The following LRRC4C variants were observed in gnomAD, a reference collection of about 807,000 sequenced individuals.
The protein encoded by LRRC4C is leucine-rich repeat-containing protein 4C.
Under a neutral mutation model 33.6 loss-of-function variants are expected in LRRC4C, and 5 were observed. The ratio of observed to expected loss-of-function variants is 0.15; its 90% CI spans 0.08 to 0.31. The LOEUF (loss-of-function observed/expected upper bound fraction) is 0.31. LRRC4C is among the 10% of genes least tolerant of loss of function. The pLI is 1.00. For missense variants in LRRC4C, 560 were observed against 796.7 expected (o/e 0.70, Z 3.58); for synonymous variants, 329 against 302.0 (o/e 1.09, Z -0.93).
At chr11:41,034,590 T>TA (rs1378072335) in intron 1 of LRRC4C, among the ~76,000 whole-genome samples, 1 of 111,752 alleles carries the variant, frequency 8.9e-6, no homozygotes, top group Admixed American at 1.1e-4. Flanking sequence ...GTTGTTTTTC[T>TA]AAAAAAATAT....
rs115949467 is a variant in LRRC4C at position 40,143,380 on chromosome 11, T to C, written c.-95-2527A>G. On this transcript the variant is annotated intron_variant, in intron 5 of 6. Transcript: ENST00000528697. ...TTAAAGTCCTAATGGCCAGTCATAATTTTTTTTTCCTGCATCTCTCCCGCT... is the reference window on the plus strand; with the variant it reads ...TTAAAGTCCTAATGGCCAGTCATAACTTTTTTTTCCTGCATCTCTCCCGCT... 6.3e-3 allele frequency among the ~76,000 whole-genome samples: 961 copies of C among 151,864 alleles called. 13 individuals carry two copies. Among genetic ancestry groups the C allele is most frequent in the African/African-American group, 0.022 (904 of 41,438 alleles).
At chr11:40,228,597 C>T (rs907421884) in intron 5 of LRRC4C, among the ~76,000 whole-genome samples, 2 of 152,204 alleles carry the variant, frequency 1.3e-5, no homozygotes, top group South Asian at 4.1e-4. Context: ...GACTAGCAGG[C>T]ATATTTTCCT....
At chr11:40,407,157 G>A (rs1030710101) in intron 3 of LRRC4C, among the ~76,000 whole-genome samples, 5 of 152,036 alleles carry the variant, frequency 3.3e-5, no homozygotes, top group African/African-American at 9.7e-5. Flanking sequence ...TCATAGGATC[G>A]GTTGGATTGT....
chr11:40,350,652 G>T (rs1947341620), intron 3 of LRRC4C, among the ~76,000 whole-genome samples: 1 of 151,832 alleles, frequency 6.6e-6, no homozygotes, highest in Admixed American at 6.6e-5. Flanking sequence ...TTTTGATAAG[G>T]ATTGCATTGA....
At chr11:41,016,395 A>C (rs1028534653) in intron 1 of LRRC4C, among the ~76,000 whole-genome samples, 1 of 152,202 alleles carries the variant, frequency 6.6e-6, no homozygotes, top group Non-Finnish European at 1.5e-5. Flanking sequence ...TTTCTAAAGT[A>C]ATATATCTTA....
At chr11:41,106,797 C>A (rs1015262828) in intron 1 of LRRC4C, among the ~76,000 whole-genome samples, 13 of 152,056 alleles carry the variant, frequency 8.5e-5, no homozygotes, top group Non-Finnish European at 1.5e-4. Flanking sequence ...GGGAGGATCA[C>A]TTGAGCCCAG....
rs1162841277 is a variant in LRRC4C, at chr11:40,867,684, GCC to G, written c.-407+65949_-407+65950del. ...TTCTGGGACTGAGATTTTATTCAGG[GCC>G]TTCCGTCAATATACTTATGATGCTA... On this transcript the variant is annotated intron_variant, in intron 2 of 6. Transcript: ENST00000528697. 2.2e-3 allele frequency among the ~76,000 whole-genome samples: 334 copies of G among 152,216 alleles called. 3 individuals carry two copies. Among genetic ancestry groups the G allele is most frequent in the African/African-American group, 7.6e-3 (314 of 41,542 alleles).
chr11:40,737,146 A>C (rs1407376941), intron 2 of LRRC4C, among the ~76,000 whole-genome samples: 1 of 152,082 alleles, frequency 6.6e-6, no homozygotes, highest in African/African-American at 2.4e-5. Flanking sequence ...AGATGCCGAA[A>C]AGGCCTTCAA....
chr11:40,278,517 A>C (rs990816014), intron 4 of LRRC4C, among the ~76,000 whole-genome samples: 5 of 152,196 alleles, frequency 3.3e-5, no homozygotes, highest in African/African-American at 9.7e-5. Flanking sequence ...AGGACTTGTA[A>C]ATTCTCTTTC....
intron 2 of LRRC4C, among the ~76,000 whole-genome samples, chr11:40,680,016 TA>T (rs1366216606): frequency 6.6e-6 from 1 of 152,156 alleles, no homozygotes; most frequent in Non-Finnish European, 1.5e-5. Context: ...TGCAAAGCCC[TA>T]GGGGTGGCGC....
At chr11:40,749,151 TCAACAACTA>T (rs1317277508) in intron 2 of LRRC4C, among the ~76,000 whole-genome samples, 2 of 152,136 alleles carry the variant, frequency 1.3e-5, no homozygotes, top group Non-Finnish European at 2.9e-5. Context: ...AACATTTTAT[TCAACAACTA>T]CAGAATACAT....
intron 1 of LRRC4C, among the ~76,000 whole-genome samples, chr11:41,378,869 A>G (rs943512886): frequency 2.0e-5 from 3 of 152,054 alleles, no homozygotes; most frequent in Admixed American, 2.0e-4. Flanking sequence ...CTCAAACTCA[A>G]TATCTCTAAT....
intron 2 of LRRC4C, among the ~76,000 whole-genome samples, chr11:40,920,323 C>T (rs1258710214): frequency 6.6e-6 from 1 of 152,146 alleles, no homozygotes; most frequent in African/African-American, 2.4e-5. Flanking sequence ...GTATGCATAT[C>T]TGTGTGACAC....
chr11:40,761,260 T>C (rs1321665725), intron 2 of LRRC4C, among the ~76,000 whole-genome samples: 1 of 152,146 alleles, frequency 6.6e-6, no homozygotes, highest in Non-Finnish European at 1.5e-5. Context: ...ATGAAGGTTG[T>C]ATCATCATCT....
intron 3 of LRRC4C, among the ~76,000 whole-genome samples, chr11:40,392,986 C>T (rs1001088199): frequency 4.6e-5 from 7 of 152,010 alleles, no homozygotes; most frequent in South Asian, 4.2e-4. Flanking sequence ...AAGTGACTCA[C>T]GATAGCCCAT....
intron 3 of LRRC4C, among the ~76,000 whole-genome samples, chr11:40,434,668 T>A (rs1951074511): frequency 6.6e-6 from 1 of 152,214 alleles, no homozygotes; most frequent in South Asian, 2.1e-4. Context: ...ATCTGCAGGC[T>A]CCATGCACAG....
At chr11:40,764,854 C>G (rs1193029346) in intron 2 of LRRC4C, among the ~76,000 whole-genome samples, 2 of 152,184 alleles carry the variant, frequency 1.3e-5, no homozygotes, top group Non-Finnish European at 2.9e-5. Context: ...GTCTACAAGT[C>G]TTTAAGACTT....
intron 5 of LRRC4C, among the ~76,000 whole-genome samples, chr11:40,145,551 G>A (rs1287954472): frequency 6.6e-6 from 1 of 152,132 alleles, no homozygotes; most frequent in Non-Finnish European, 1.5e-5. Flanking sequence ...GTTATAAAGG[G>A]ACCTTATCTA....
chr11:40,591,085 C>T (rs998417741), intron 3 of LRRC4C, among the ~76,000 whole-genome samples: 10 of 152,134 alleles, frequency 6.6e-5, no homozygotes, highest in South Asian at 6.2e-4. Flanking sequence ...GCCTCGCTGC[C>T]GCCTTGCAGT....
Sources: allele counts gnomAD v4.1 joint callset (sites outside exome capture counted in the v4.1 genomes callset), GRCh38; gene constraint gnomAD v4.1.1; transcripts MANE v1.5; gene names NCBI Gene and HGNC (gene_info 2026-07-23, HGNC 2026-07-21).